BANF2: variants seen among roughly 807,000 people sequenced by gnomAD.
The protein encoded by BANF2 is BANF family member 2, also known as barrier-to-autointegration factor-like protein.
Under a neutral mutation model 8.0 loss-of-function variants are expected in BANF2, and 4 were observed. The ratio of observed to expected loss-of-function variants is 0.50; its 90% CI spans 0.25 to 1.14. The LOEUF is 1.14. Among genes scored for constraint, BANF2 ranks in the 50% most tolerant of loss-of-function variants. The probability of loss-of-function intolerance (pLI) is 0.16; values close to 1 mark genes in which losing one functional copy is unlikely to be tolerated. For synonymous variants in BANF2, 50 were observed against 40.6 expected (o/e 1.23, Z -0.88); for missense variants, 96 against 107.5 (o/e 0.89, Z 0.47).
At chr20:17,703,740 C>CTTTT (rs373982840) in intron 1 of BANF2, among the ~76,000 whole-genome samples, 19 of 122,586 alleles carry the variant, frequency 1.5e-4, no homozygotes, top group South Asian at 5.2e-4. Context: ...AGTAGGCTGA[C>CTTTT]TTTTTTTTTT....
intron 1 of BANF2, among the ~76,000 whole-genome samples, chr20:17,721,982 A>G (rs929062061): frequency 1.3e-5 from 2 of 152,208 alleles, no homozygotes; most frequent in South Asian, 4.1e-4. Flanking sequence ...TCTGCCCACT[A>G]GAGCCAATAG....
intron 3 of BANF2, among the ~76,000 whole-genome samples, chr20:17,734,165 A>G (rs1202456785): frequency 6.6e-6 from 1 of 152,190 alleles, no homozygotes; most frequent in Admixed American, 6.5e-5. Context: ...TAATGGTGTA[A>G]TAAAACTATA....
chr20:17,702,943 A>G (rs985686008), intron 1 of BANF2, among the ~76,000 whole-genome samples: 2 of 152,178 alleles, frequency 1.3e-5, no homozygotes, highest in African/African-American at 4.8e-5. Context: ...TTACATAGCC[A>G]TCGGTGGCTG....
chr20:17,711,396 T>C (rs373748789), intron 1 of BANF2, among the ~76,000 whole-genome samples: 9 of 152,362 alleles, frequency 5.9e-5, no homozygotes, highest in African/African-American at 2.2e-4. Flanking sequence ...GATTCTTTAT[T>C]CTTAGACACC....
intron 1 of BANF2, among the ~76,000 whole-genome samples, chr20:17,700,899 T>A (rs2037398707): frequency 6.6e-6 from 1 of 152,154 alleles, no homozygotes; most frequent in Non-Finnish European, 1.5e-5. Context: ...CCATTCACCA[T>A]CTGTGAGTGC....
At chr20:17,715,157 GAGTTA>G (rs1418137727) in intron 1 of BANF2, among the ~76,000 whole-genome samples, 1 of 152,148 alleles carries the variant, frequency 6.6e-6, no homozygotes, top group African/African-American at 2.4e-5. Flanking sequence ...CCTCCAGCAG[GAGTTA>G]ACAGGAACCT....
At chr20:17,704,530 A>G (rs1025897646) in intron 1 of BANF2, among the ~76,000 whole-genome samples, 10 of 152,170 alleles carry the variant, frequency 6.6e-5, no homozygotes, top group Admixed American at 2.6e-4. Flanking sequence ...ACTGTTGCTG[A>G]GGTCTACATG....
At position 17,731,946 on chromosome 20, in the gene BANF2, G is replaced by A. The variant is rs147078252; in HGVS notation, c.127-3719G>A. 1.5e-3 allele frequency among the ~76,000 whole-genome samples: 231 copies of A among 151,590 alleles called. 4 individuals carry two copies. The highest frequency in any genetic ancestry group is 5.3e-3 in the African/African-American group (220 of 41,310). ...CCAAGCGTGGTGGCACGCACCCGTAGTCCCACCTACTCGGGAGGCTGAGGC... is the reference window on the plus strand; with the variant it reads ...CCAAGCGTGGTGGCACGCACCCGTAATCCCACCTACTCGGGAGGCTGAGGC... On this transcript the variant is annotated intron_variant, in intron 3 of 3. Transcript: ENST00000246090.
At chr20:17,723,623 A>G (rs1055544725) in intron 2 of BANF2, among the ~76,000 whole-genome samples, 1 of 152,228 alleles carries the variant, frequency 6.6e-6, no homozygotes, top group African/African-American at 2.4e-5. Flanking sequence ...AGGGGATGCT[A>G]CAATGAACAA....
chr20:17,723,760 C>T (rs553390599), intron 2 of BANF2, among the ~76,000 whole-genome samples: 3 of 152,100 alleles, frequency 2.0e-5, no homozygotes, highest in Admixed American at 6.5e-5. Context: ...TTTGGGAGAC[C>T]GAGGTGGGTG....
chr20:17,723,770 G>A (rs1288632611), intron 2 of BANF2, among the ~76,000 whole-genome samples: 1 of 152,172 alleles, frequency 6.6e-6, no homozygotes, highest in Non-Finnish European at 1.5e-5. Flanking sequence ...CGAGGTGGGT[G>A]GATCACCTGA....
At chr20:17,695,500 T>G (rs1429536426), upstream of BANF2, among the ~76,000 whole-genome samples, 1 of 134,586 alleles carries the variant, frequency 7.4e-6, no homozygotes, top group Non-Finnish European at 1.6e-5. Context: ...TTTTGGTAAA[T>G]TTAAGAAGAT....
chr20:17,705,083 T>C lies in BANF2; in HGVS notation c.-167+5028T>C, dbSNP rs4599191. ...CTGGTCATGTGTGTTGTTACCTCAC[T>C]GGCCAGGCCTGGTCATGTGTGTTGT... On this transcript the variant is annotated intron_variant, in intron 1 of 3. Coordinates refer to ENST00000246090, the MANE Select transcript of BANF2 (RefSeq NM_178477.5). Among the ~76,000 whole-genome samples the C allele has an allele frequency of 2.8e-3, 427 of 151,914 alleles. 1 individual carries two copies. The highest frequency in any genetic ancestry group is 9.9e-3 in the African/African-American group (409 of 41,374).
intron 3 of BANF2, among the ~76,000 whole-genome samples, chr20:17,726,673 T>C (rs1468840951): frequency 1.3e-5 from 2 of 152,200 alleles, no homozygotes; most frequent in Non-Finnish European, 1.5e-5. Flanking sequence ...TTCCAAATGG[T>C]TCTCTTGTGC....
chr20:17,727,695 A>T (rs1033815158), intron 3 of BANF2, among the ~76,000 whole-genome samples: 2 of 151,776 alleles, frequency 1.3e-5, no homozygotes, highest in Admixed American at 1.3e-4. Flanking sequence ...GGGTTCTCAG[A>T]TTTAGCCAAT....
intron 1 of BANF2, among the ~76,000 whole-genome samples, chr20:17,708,047 A>C (rs6080794): frequency 0.7 from 78,801 of 112,408 alleles, 26,622 homozygotes; most frequent in Middle Eastern, 0.84. Context: ...ACTAAAAATC[A>C]AAAAAAAAAA....
upstream of BANF2, among the ~76,000 whole-genome samples, chr20:17,699,748 C>G (rs2122561075): frequency 1.3e-5 from 2 of 152,250 alleles, no homozygotes; most frequent in Admixed American, 1.3e-4. Context: ...GTTTTCTGTA[C>G]AGCAGACATC....
At chr20:17,706,879 T>C (rs1568808026) in intron 1 of BANF2, among the ~76,000 whole-genome samples, 1 of 152,122 alleles carries the variant, frequency 6.6e-6, no homozygotes, top group African/African-American at 2.4e-5. Context: ...CTATCCAAAG[T>C]CCATGCAGGC....
chr20:17,703,896 T>C (rs1265552828), intron 1 of BANF2, among the ~76,000 whole-genome samples: 2 of 152,120 alleles, frequency 1.3e-5, no homozygotes, highest in African/African-American at 2.4e-5. Context: ...TGCAGGTGCC[T>C]GCCACAATGC....
Sources: allele counts gnomAD v4.1 joint callset (sites outside exome capture counted in the v4.1 genomes callset), GRCh38; gene constraint gnomAD v4.1.1; transcripts MANE v1.5; gene names NCBI Gene and HGNC (gene_info 2026-07-23, HGNC 2026-07-21).